Variants in SNRPN observed in about 807,000 individuals in gnomAD.
The protein encoded by SNRPN is small nuclear ribonucleoprotein polypeptide N.
SNRPN carries 7 observed loss-of-function variants against 25.2 expected under a neutral mutation model. That is an observed-to-expected ratio of 0.28 (90% confidence interval 0.16 to 0.52). The LOEUF (loss-of-function observed/expected upper bound fraction) is 0.52. SNRPN is among the 20% of genes least tolerant of loss of function. The pLI is 0.96. For synonymous variants in SNRPN, 124 were observed against 110.6 expected, an observed-to-expected ratio of 1.12 and a Z score of -0.76; for missense variants, 196 against 322.5, an observed-to-expected ratio of 0.61 and a Z score of 3.00.
intron 1 of SNRPN, among the ~76,000 whole-genome samples, chr15:24,867,376 G>GTT (rs1417168109): frequency 1.5e-5 from 2 of 131,476 alleles, no homozygotes. Flanking sequence ...ATTTAAATAA[G>GTT]TTTTTTTTTT....
intron 1 of SNRPN, among the ~76,000 whole-genome samples, chr15:24,865,978 G>T (rs1019346904): frequency 1.3e-5 from 2 of 152,094 alleles, no homozygotes; most frequent in Non-Finnish European, 2.9e-5. Flanking sequence ...TGAAGTCACC[G>T]ACCGTAATAG....
chr15:24,906,095 G>T (rs1194785779), intron 2 of SNRPN, among the ~76,000 whole-genome samples: 2 of 152,120 alleles, frequency 1.3e-5, no homozygotes, highest in African/African-American at 4.8e-5. Context: ...AAGATCAAAA[G>T]AACCAGGGAG....
intron 3 of SNRPN, among the ~76,000 whole-genome samples, chr15:24,922,072 G>C (rs1267727717): frequency 6.6e-6 from 1 of 150,482 alleles, no homozygotes; most frequent in Non-Finnish European, 1.5e-5. Context: ...AATTAGCCGG[G>C]CACCGTGGCG....
At chr15:24,952,709 G>A (rs1372644021), upstream of SNRPN, among the ~76,000 whole-genome samples, 3 of 152,104 alleles carry the variant, frequency 2.0e-5, no homozygotes, top group Non-Finnish European at 2.9e-5. Flanking sequence ...AGATAAGTGC[G>A]AGTTGAGAAT....
In SNRPN at chr15:24,836,027, C is replaced by T. The variant is rs993913806; in HGVS notation, c.-579+6122C>T. 2.6e-5 allele frequency among the ~76,000 whole-genome samples: 4 copies of T among 152,164 alleles called. No individual in the cohort carries two copies. In the South Asian group the frequency reaches 8.3e-4, roughly 32 times the overall value. The stretch of plus-strand genomic sequence containing the variant: ...AAAGTACCAGAGACTGGGTGGCTTA[C>T]GCAACAGAAGTTAACGTTCTGGAGG... On this transcript the variant is annotated intron_variant, in intron 2 of 12. Coordinates refer to the SNRPN transcript ENST00000400100.
chr15:24,922,156 T>C (rs1201832135), intron 3 of SNRPN, among the ~76,000 whole-genome samples: 1 of 151,700 alleles, frequency 6.6e-6, no homozygotes, highest in African/African-American at 2.4e-5. Context: ...GAGGTTGCAG[T>C]GAGCCAAGAT....
intron 1 of SNRPN, among the ~76,000 whole-genome samples, chr15:24,882,146 G>A (rs59473476): frequency 0.016 from 2,403 of 152,104 alleles, 77 homozygotes; most frequent in African/African-American, 0.055. Context: ...TTCTGTGTGC[G>A]AATGATTAAA....
chr15:24,867,444 G>C (rs1338695842), intron 1 of SNRPN, among the ~76,000 whole-genome samples: 1 of 137,958 alleles, frequency 7.2e-6, no homozygotes, highest in Non-Finnish European at 1.6e-5. Context: ...GTGTGATCTC[G>C]GCTCACTGCA....
intron 5 of SNRPN, 50 bp from the exon 6 acceptor site, chr15:24,976,255 G>A (rs1437534805): frequency 7.5e-7 from 1 of 1,333,150 alleles, no homozygotes; most frequent in Non-Finnish European, 1.1e-6. Context: ...ATTTTGATGA[G>A]TGAGTGATCA....
upstream of SNRPN, among the ~76,000 whole-genome samples, chr15:24,953,982 T>C (rs1427831530): frequency 6.6e-6 from 1 of 152,176 alleles, no homozygotes; most frequent in East Asian, 1.9e-4. Context: ...ATTTAACCAT[T>C]TAGTCAACCT....
At chr15:24,866,442 G>C (rs888103140) in intron 1 of SNRPN, among the ~76,000 whole-genome samples, 6 of 152,026 alleles carry the variant, frequency 3.9e-5, no homozygotes, top group African/African-American at 1.4e-4. Context: ...TCTGCACCTA[G>C]GCTGGAGTGC....
chr15:24,963,066 T>C (rs2075086950), intron 2 of SNRPN, among the ~76,000 whole-genome samples: 1 of 152,158 alleles, frequency 6.6e-6, no homozygotes, highest in East Asian at 1.9e-4. Context: ...CCTTGTCCTA[T>C]GCATTGTGTG....
intron 2 of SNRPN, among the ~76,000 whole-genome samples, chr15:24,910,587 C>G (rs570333462): frequency 6.6e-6 from 1 of 152,054 alleles, no homozygotes; most frequent in Non-Finnish European, 1.5e-5. Context: ...TGCCTCCTCC[C>G]GGGTTCAAGT....
intron 3 of SNRPN, among the ~76,000 whole-genome samples, chr15:24,971,370 A>C (rs561032877): frequency 2.0e-5 from 3 of 152,086 alleles, no homozygotes; most frequent in Non-Finnish European, 4.4e-5. Context: ...TTCTTCTTTC[A>C]CTTACAAGGT....
At chr15:24,947,686 A>G (rs2061967258) in intron 3 of SNRPN, among the ~76,000 whole-genome samples, 1 of 152,168 alleles carries the variant, frequency 6.6e-6, no homozygotes, top group Admixed American at 6.5e-5. Flanking sequence ...GTTTTGTCAT[A>G]CAGTTGTATT....
At chr15:24,847,061 C>G (rs778747297) in intron 2 of SNRPN, among the ~76,000 whole-genome samples, 2 of 152,106 alleles carry the variant, frequency 1.3e-5, no homozygotes, top group Non-Finnish European at 2.9e-5. Context: ...TTGAGTCATA[C>G]CTTCCTGCGA....
intron 2 of SNRPN, 95 bp from the exon 3 acceptor site, chr15:24,967,834 ATCT>A: frequency 1.2e-6 from 1 of 857,288 alleles, no homozygotes; most frequent in South Asian, 1.5e-5. Flanking sequence ...AAAAAGGAAT[ATCT>A]TCTTAAATGT....
At position 24,872,660 on chromosome 15, in the gene SNRPN, C is replaced by T. The variant is rs948950526; in HGVS notation, c.-578-13856C>T. 1.1e-4 allele frequency among the ~76,000 whole-genome samples: 12 copies of T among 109,768 alleles called. 2 individuals carry two copies. Among genetic ancestry groups the T allele is most frequent in the African/African-American group, 1.9e-4 (6 of 31,860 alleles). The allele number at this position is 109,768 out of a possible 152,430, so 72.0% of individuals were successfully genotyped here. A position where few individuals can be genotyped will look rare whatever the true frequency, so the allele number is the denominator to read the frequency against. On this transcript the variant is annotated intron_variant, in intron 1 of 11. Transcript: ENST00000400097. The stretch of plus-strand genomic sequence containing the variant: ...ACTTGGCAGGCTGAGACAGCAGAAT[C>T]GCTTGAACCTGGGAAGCAGAGGTTG...
intron 2 of SNRPN, among the ~76,000 whole-genome samples, chr15:24,844,996 G>A (rs569268731): frequency 2.8e-4 from 43 of 152,136 alleles, no homozygotes; most frequent in African/African-American, 8.4e-4. Flanking sequence ...TGCAAAAAAG[G>A]GTGAAGAGTT....
Sources: allele counts gnomAD v4.1 joint callset (sites outside exome capture counted in the v4.1 genomes callset), GRCh38; gene constraint gnomAD v4.1.1; transcripts MANE v1.5; gene names NCBI Gene and HGNC (gene_info 2026-07-23, HGNC 2026-07-21).